PPARGC1A: variants seen among roughly 807,000 people sequenced by gnomAD.
The protein encoded by PPARGC1A is PPARG coactivator 1 alpha.
Under a neutral mutation model 88.7 loss-of-function variants are expected in PPARGC1A, and 25 were observed. The observed-to-expected ratio is 0.28, with a 90% CI of 0.21 to 0.39. The LOEUF is 0.39. Ranked by LOEUF, PPARGC1A falls within the 10% of genes least tolerant of loss-of-function variation. PPARGC1A has a pLI of 1.00. For missense variants in PPARGC1A, 880 were observed against 968.7 expected (o/e 0.91, Z 1.22); for synonymous variants, 363 against 355.6 (o/e 1.02, Z -0.24).
the PPARGC1A span, among the ~76,000 whole-genome samples, chr4:24,359,508 A>C: frequency 1.3e-5 from 2 of 152,102 alleles, no homozygotes; most frequent in African/African-American, 4.8e-5. Context: ...CTTGATCCCC[A>C]CTGGTGTAGA....
At chr4:24,032,146 C>G in the PPARGC1A span, among the ~76,000 whole-genome samples, 96 of 152,318 alleles carry the variant, frequency 6.3e-4, no homozygotes, top group African/African-American at 2.2e-3. Flanking sequence ...TAAAAACTAA[C>G]ACTCACTAAA....
the PPARGC1A span, among the ~76,000 whole-genome samples, chr4:24,193,945 A>G: frequency 9.4e-4 from 143 of 152,264 alleles, 7 homozygotes; most frequent in Non-Finnish European, 4.4e-4. Context: ...CCTGGCCAAC[A>G]TGGTGAAACC....
the PPARGC1A span, among the ~76,000 whole-genome samples, chr4:24,063,189 C>G: frequency 6.6e-6 from 1 of 152,170 alleles, no homozygotes; most frequent in Non-Finnish European, 1.5e-5. Context: ...AAACTGTCCA[C>G]TATGCCCCAG....
the PPARGC1A span, among the ~76,000 whole-genome samples, chr4:24,246,608 C>T: frequency 6.6e-6 from 1 of 151,894 alleles, no homozygotes; most frequent in Admixed American, 6.6e-5. Context: ...ACAGCCAGAC[C>T]CTGTCAAAAA....
the PPARGC1A span, among the ~76,000 whole-genome samples, chr4:23,956,584 T>C: frequency 2.0e-5 from 3 of 152,192 alleles, no homozygotes; most frequent in South Asian, 2.1e-4. Context: ...CCCAAGATCA[T>C]TGACAAACCA....
At chr4:23,867,137 CTCTCT>C (rs910972487) in intron 2 of PPARGC1A, among the ~76,000 whole-genome samples, 3 of 152,102 alleles carry the variant, frequency 2.0e-5, no homozygotes, top group African/African-American at 7.2e-5. Context: ...ATCAAATTTC[CTCTCT>C]TCTCACCCTT....
the PPARGC1A span, among the ~76,000 whole-genome samples, chr4:23,977,619 A>T: frequency 6.6e-6 from 1 of 152,200 alleles, no homozygotes; most frequent in Admixed American, 6.5e-5. Context: ...GCAGCAAACC[A>T]CCACGGCACA....
upstream of PPARGC1A, among the ~76,000 whole-genome samples, chr4:23,892,169 T>G (rs1717943500): frequency 6.6e-6 from 1 of 152,210 alleles, no homozygotes; most frequent in African/African-American, 2.4e-5. Flanking sequence ...TATTCTAACC[T>G]GCCCAGATTG....
At chr4:23,960,685 C>A in the PPARGC1A span, among the ~76,000 whole-genome samples, 1 of 152,118 alleles carries the variant, frequency 6.6e-6, no homozygotes, top group African/African-American at 2.4e-5. Context: ...TGTGATGTGT[C>A]CTGCAGATGG....
intron 2 of PPARGC1A, among the ~76,000 whole-genome samples, chr4:23,837,483 TG>T (rs1481647994): frequency 6.6e-6 from 1 of 152,134 alleles, no homozygotes; most frequent in African/African-American, 2.4e-5. Context: ...CTTGATTATC[TG>T]TGTTTGAATT....
chr4:24,175,302 C>T, the PPARGC1A span, among the ~76,000 whole-genome samples: 12 of 151,264 alleles, frequency 7.9e-5, no homozygotes, highest in Admixed American at 7.9e-4. Context: ...GAGATGATCC[C>T]ATTTTGTGAT....
chr4:23,949,545 G>A, the PPARGC1A span, among the ~76,000 whole-genome samples: 1 of 152,124 alleles, frequency 6.6e-6, no homozygotes, highest in African/African-American at 2.4e-5. Context: ...ATTTAAATAC[G>A]TCATGTGATC....
chr4:24,293,489 T>C, the PPARGC1A span, among the ~76,000 whole-genome samples: 1 of 14,334 alleles, frequency 7.0e-5, no homozygotes, highest in Non-Finnish European at 1.2e-4. Flanking sequence ...CCCCCTCACC[T>C]CTCACCACTG....
the PPARGC1A span, among the ~76,000 whole-genome samples, chr4:24,443,440 G>C: frequency 6.6e-6 from 1 of 152,096 alleles, no homozygotes; most frequent in Non-Finnish European, 1.5e-5. Flanking sequence ...GAAACATAAA[G>C]GTGGGAACTG....
chr4:24,277,553 A>G, the PPARGC1A span, among the ~76,000 whole-genome samples: 20 of 152,216 alleles, frequency 1.3e-4, 1 homozygote, highest in African/African-American at 4.8e-4. Context: ...TGCAACAGAA[A>G]CCCAGCTCAG....
intron 2 of PPARGC1A, among the ~76,000 whole-genome samples, chr4:23,832,258 A>C (rs1242107813): frequency 6.6e-6 from 1 of 152,158 alleles, no homozygotes; most frequent in Non-Finnish European, 1.5e-5. Flanking sequence ...TCATGGTTTC[A>C]ATTATAATCT....
chr4:24,089,511 TTTC>T, the PPARGC1A span, among the ~76,000 whole-genome samples: 2,083 of 30,524 alleles, frequency 0.068, 110 homozygotes, highest in East Asian at 0.15. Flanking sequence ...TTTTCTTTTC[TTTC>T]TTTTTTTTTT....
the PPARGC1A span, among the ~76,000 whole-genome samples, chr4:24,046,713 A>G: frequency 6.6e-6 from 1 of 152,186 alleles, no homozygotes; most frequent in Non-Finnish European, 1.5e-5. Flanking sequence ...CCTTCATTGC[A>G]GTTAAGTATG....
chr4:24,364,017 A>G, the PPARGC1A span, among the ~76,000 whole-genome samples: 1,148 of 152,272 alleles, frequency 7.5e-3, 13 homozygotes, highest in South Asian at 0.015. Context: ...TAGCGATTAA[A>G]AACCTGACTA....
Sources: gnomAD v4.1 joint callset for allele counts (sites outside exome capture counted in the v4.1 genomes callset) on GRCh38, gnomAD v4.1.1 for gene constraint, MANE v1.5 for transcripts, NCBI Gene and HGNC (gene_info 2026-07-23, HGNC 2026-07-21) for gene names.